The following CTNND2 variants were observed in gnomAD, a reference collection of about 807,000 sequenced individuals.
CTNND2 encodes the protein catenin delta 2.
Under a neutral mutation model 144.4 loss-of-function variants are expected in CTNND2, and 22 were observed. The ratio of observed to expected loss-of-function variants is 0.15; its 90% CI spans 0.11 to 0.22. CTNND2 has a LOEUF of 0.22. Among genes scored for constraint, CTNND2 ranks in the 10% least tolerant of loss-of-function variants. The pLI is 1.00. For missense variants in CTNND2, 1,353 were observed against 1,618.8 expected, an observed-to-expected ratio of 0.84 and a Z score of 2.82; for synonymous variants, 751 against 695.6, an observed-to-expected ratio of 1.08 and a Z score of -1.25.
At chr5:11,350,728 C>G (rs955998172) in intron 8 of CTNND2, among the ~76,000 whole-genome samples, 1 of 152,072 alleles carries the variant, frequency 6.6e-6, no homozygotes, top group African/African-American at 2.4e-5. Flanking sequence ...GACAGAAAAA[C>G]ACACTGTATT....
At chr5:11,218,694 C>A (rs945044034) in intron 10 of CTNND2, among the ~76,000 whole-genome samples, 5 of 152,294 alleles carry the variant, frequency 3.3e-5, no homozygotes, top group East Asian at 3.9e-4. Context: ...TTTATTTAGA[C>A]CTTAATAATC....
chr5:11,047,217 A>T (rs756787330), intron 16 of CTNND2, among the ~76,000 whole-genome samples: 8 of 152,182 alleles, frequency 5.3e-5, no homozygotes, highest in Non-Finnish European at 1.2e-4. Flanking sequence ...CTGCTTCAGA[A>T]AGCAGGGAAA....
chr5:11,676,705 G>T (rs1784193135), intron 2 of CTNND2, among the ~76,000 whole-genome samples: 1 of 151,812 alleles, frequency 6.6e-6, no homozygotes, highest in Admixed American at 6.6e-5. Flanking sequence ...TTCCTTTATG[G>T]AGTTTTCAAC....
intron 3 of CTNND2, among the ~76,000 whole-genome samples, chr5:11,443,474 T>C (rs1764529161): frequency 6.6e-6 from 1 of 151,312 alleles, no homozygotes; most frequent in South Asian, 2.1e-4. Context: ...TGTGTGTGCA[T>C]ACATATATAT....
chr5:11,809,147 A>G (rs1160558605), intron 1 of CTNND2, among the ~76,000 whole-genome samples: 1 of 152,248 alleles, frequency 6.6e-6, no homozygotes, highest in African/African-American at 2.4e-5. Context: ...GGATGTTTTC[A>G]TAATCAGGTT....
chr5:11,202,401 C>A (rs1376693200), intron 10 of CTNND2, among the ~76,000 whole-genome samples: 1 of 152,130 alleles, frequency 6.6e-6, no homozygotes, highest in African/African-American at 2.4e-5. Context: ...GTGAGATTTT[C>A]AATTTGATTT....
At chr5:11,836,921 C>T (rs1426290278) in intron 1 of CTNND2, among the ~76,000 whole-genome samples, 1 of 152,142 alleles carries the variant, frequency 6.6e-6, no homozygotes, top group African/African-American at 2.4e-5. Context: ...TGGTCCAAGG[C>T]AAAAGCTCCA....
Position 11,903,829 on chromosome 5 carries a change from C to T in CTNND2, c.25G>A (p.Ala9Thr). The change falls in exon 1 of 22, where the codon GCC becomes ACC. Residue 9 changes from alanine (A) to threonine (T), a missense_variant. Ala to Thr is a moderately conservative substitution (Grantham distance 58, BLOSUM62 0). Around this residue, in one of 4 missense-constraint regions of CTNND2, gnomAD observed 708 missense variants for 706.4 expected, o/e 1.00. Coordinates refer to ENST00000304623, the MANE Select transcript of CTNND2 (RefSeq NM_001332.4). The surrounding 1 kb of genome is among the most constrained non-coding windows in gnomAD (Gnocchi z 5.4). MFARKPPGAAPLGAMPVPD... is the reference protein window; with the variant it reads MFARKPPGTAPLGAMPVPD... ...CCCCGCAACTCACCCAAAGGCGCGG[C>T]GCCCGGCGGCTTCCTCGCAAACATG... 3 of 1,482,166 alleles carry T rather than the reference C, an allele frequency of 2.0e-6. No individual in the cohort carries two copies. Among genetic ancestry groups the T allele is most frequent in the East Asian group, 3.0e-5 (1 of 33,820 alleles). 91.8% of individuals were successfully genotyped at this position (1,482,166 alleles called of 1,614,324 possible).
At chr5:11,610,436 T>C (rs1780259916) in intron 2 of CTNND2, among the ~76,000 whole-genome samples, 1 of 152,102 alleles carries the variant, frequency 6.6e-6, no homozygotes, top group Admixed American at 6.6e-5. Context: ...AGCAATAATA[T>C]CCCCGTTTCA....
At chr5:11,308,674 T>C (rs1750499350) in intron 9 of CTNND2, among the ~76,000 whole-genome samples, 1 of 152,220 alleles carries the variant, frequency 6.6e-6, no homozygotes, top group Non-Finnish European at 1.5e-5. Context: ...TTACCTTCGT[T>C]CAGGGCAAAA....
At chr5:11,755,935 T>A (rs1165645994) in intron 1 of CTNND2, among the ~76,000 whole-genome samples, 2 of 151,654 alleles carry the variant, frequency 1.3e-5, no homozygotes, top group African/African-American at 4.8e-5. Context: ...GAATTTTATG[T>A]CTGTCACTTC....
chr5:11,311,929 CCACA>C (rs750203180), intron 9 of CTNND2, among the ~76,000 whole-genome samples: 1 of 111,418 alleles, frequency 9.0e-6, no homozygotes, highest in African/African-American at 3.2e-5. Context: ...TCCTCGCCCC[CCACA>C]CACACTCACA....
chr5:11,771,243 G>C (rs1789917635), intron 1 of CTNND2, among the ~76,000 whole-genome samples: 1 of 143,600 alleles, frequency 7.0e-6, no homozygotes, highest in Non-Finnish European at 1.5e-5. Flanking sequence ...CCAGGCTGGA[G>C]TGCAGTGGCA....
Position 11,759,412 on chromosome 5 carries a change from G to A in CTNND2, c.38-27140C>T, listed in dbSNP as rs201029376. 3.9e-5 allele frequency among the ~76,000 whole-genome samples: 6 copies of A among 152,118 alleles called. No individual in the cohort carries two copies. The East Asian group carries it at 7.7e-4, about 20-fold the overall frequency. On this transcript the variant is annotated intron_variant, in intron 1 of 21. Transcript: ENST00000304623. ...CATGTCCAAGGATCTTAAGGAAAAT[G>A]ATACATAAATATAAATCAATATGAT...
chr5:11,563,555 C>G (rs1230327568), intron 3 of CTNND2, among the ~76,000 whole-genome samples: 1 of 152,152 alleles, frequency 6.6e-6, no homozygotes, highest in Non-Finnish European at 1.5e-5. Context: ...TTTGGTTAAT[C>G]TGGATGTTTA....
chr5:11,769,143 T>C (rs1335653297), intron 1 of CTNND2, among the ~76,000 whole-genome samples: 1 of 152,122 alleles, frequency 6.6e-6, no homozygotes, highest in Non-Finnish European at 1.5e-5. Flanking sequence ...TCTGAATTCC[T>C]TCAGGGATCC....
At chr5:11,438,561 C>A (rs1190757982) in intron 3 of CTNND2, among the ~76,000 whole-genome samples, 1 of 152,122 alleles carries the variant, frequency 6.6e-6, no homozygotes, top group East Asian at 1.9e-4. Context: ...AAGTTGACTG[C>A]CATCTTTGGC....
chr5:11,324,722 C>T (rs1752359667), intron 9 of CTNND2, among the ~76,000 whole-genome samples: 1 of 152,200 alleles, frequency 6.6e-6, no homozygotes, highest in Non-Finnish European at 1.5e-5. Context: ...GCCACCTCCA[C>T]CACAGTGTGC....
intron 7 of CTNND2, among the ~76,000 whole-genome samples, chr5:11,365,949 GAGCCTTC>G (rs20477): frequency 0.014 from 2,187 of 152,300 alleles, 25 homozygotes; most frequent in Admixed American, 0.033. Flanking sequence ...TTTTGGGAAT[GAGCCTTC>G]AGCTACATCC....
Sources: gnomAD v4.1 joint callset for allele counts (sites outside exome capture counted in the v4.1 genomes callset) on GRCh38, gnomAD v4.1.1 for gene constraint, gnomAD v4.1.1 regional missense constraint, Gnocchi (gnomAD v3.1) non-coding constraint, MANE v1.5 for transcripts, NCBI Gene and HGNC (gene_info 2026-07-23, HGNC 2026-07-21) for gene names.